Variants in NCOA7 observed in about 807,000 individuals in gnomAD.
NCOA7 encodes 140 kDa estrogen receptor-associated protein.
A neutral mutation model predicts 104.3 loss-of-function variants in NCOA7; 45 were observed. The observed-to-expected ratio is 0.43, with a 90% CI of 0.34 to 0.55. The LOEUF is 0.55. NCOA7 is among the 20% of genes least tolerant of loss of function. The pLI is 0.02. For missense variants in NCOA7, 1,041 were observed against 1,119.7 expected (o/e 0.93, Z 1.00); for synonymous variants, 398 against 402.3 (o/e 0.99, Z 0.13).
Position 125,889,425 on chromosome 6 carries a change from T to C in NCOA7, c.1371T>C (p.Ser457=), listed in dbSNP as rs367946466. The C allele has an allele frequency of 2.5e-6, 4 of 1,614,014 alleles. No individual in the cohort carries two copies. In the African/African-American group the frequency reaches 4.0e-5, roughly 16 times the overall value. The part of the protein sequence containing the change: ...RKKAESQINN[S]AVEMQVQSAL... ...AAGCTGAGTCACAAATAAACAATTC[T>C]GCCGTGGAAATGCAGGTGCAGTCAG... is the stretch of plus-strand genomic sequence containing the variant. Residue 457 remains serine (S), a synonymous_variant, in exon 9 of 16, where the codon TCT becomes TCC. Transcript: ENST00000392477.
At chr6:125,923,461 C>T (rs916023443) in intron 13 of NCOA7, among the ~76,000 whole-genome samples, 2 of 152,168 alleles carry the variant, frequency 1.3e-5, no homozygotes, top group East Asian at 3.8e-4. Context: ...TATCTCTTCC[C>T]GTAAGTCAGC....
At chr6:125,823,821 A>AT (rs1024552997) in intron 2 of NCOA7, among the ~76,000 whole-genome samples, 248 of 148,844 alleles carry the variant, frequency 1.7e-3, no homozygotes, top group Middle Eastern at 6.9e-3. Context: ...AAGAAACAGC[A>AT]TTTTTTTTTT....
At chr6:125,875,902 ACT>A (rs1783332429) in intron 4 of NCOA7, among the ~76,000 whole-genome samples, 1 of 152,172 alleles carries the variant, frequency 6.6e-6, no homozygotes, top group Non-Finnish European at 1.5e-5. Context: ...ACAACTCCAC[ACT>A]GTGTGCCATG....
chr6:125,797,891 T>A (rs904858419), intron 1 of NCOA7: 1 of 152,186 alleles, frequency 6.6e-6, no homozygotes, highest in Non-Finnish European at 1.5e-5. Context: ...TCCAAAATAA[T>A]TTCTATTTAA....
chr6:125,833,828 C>T (rs1331806767), intron 2 of NCOA7, among the ~76,000 whole-genome samples: 1 of 152,090 alleles, frequency 6.6e-6, no homozygotes, highest in African/African-American at 2.4e-5. Flanking sequence ...CTCACTCCCC[C>T]AAAACTCAGT....
chr6:125,878,292 A>G lies in NCOA7; in HGVS notation c.381A>G (p.Ile127Met). ...GAAACCAGGACACCCTAAACTCCAT[A>G]GCACTGAAATTTAACATCACTCCCA... ...TAGNQDTLNSIALKFNITPNK... is the reference protein window; with the variant it reads ...TAGNQDTLNSMALKFNITPNK... Residue 127 changes from isoleucine (I) to methionine (M), a missense_variant, in exon 5 of 16, where the codon ATA becomes ATG. Ile to Met is a conservative substitution (Grantham distance 10, BLOSUM62 1). Around this residue, in one of 2 missense-constraint regions of NCOA7, gnomAD observed 914 missense variants for 942.7 expected, o/e 0.97. Transcript: ENST00000392477. 1 of 1,612,724 alleles carries G rather than the reference A, an allele frequency of 6.2e-7. No individual in the cohort carries two copies. Among genetic ancestry groups the G allele is most frequent in the Non-Finnish European group, 8.5e-7 (1 of 1,179,376 alleles).
chr6:125,818,563 G>A (rs989293863), intron 2 of NCOA7, among the ~76,000 whole-genome samples: 1 of 152,020 alleles, frequency 6.6e-6, no homozygotes, highest in Non-Finnish European at 1.5e-5. Context: ...GAGAGAAGAG[G>A]GGGTAGGAGC....
intron 1 of NCOA7, among the ~76,000 whole-genome samples, chr6:125,782,092 G>A (rs1774253117): frequency 6.6e-6 from 1 of 152,006 alleles, no homozygotes; most frequent in Non-Finnish European, 1.5e-5. Context: ...GTAAAATATC[G>A]TGTTAATACT....
rs185454037 is a variant in NCOA7 at position 125,901,099 on chromosome 6, C to G, written c.2096+10289C>G. Among the ~76,000 whole-genome samples the G allele has an allele frequency of 1.8e-3, 267 of 152,276 alleles. 2 individuals carry two copies. Among genetic ancestry groups the G allele is most frequent in the Admixed American group, 2.7e-3 (41 of 15,300 alleles). ...ATTTATGATGGACAATACAAGTGAC[C>G]AACGAAACTGCATGCATATGCGTTT... is the stretch of plus-strand genomic sequence containing the variant. On this transcript the variant is annotated intron_variant, in intron 10 of 15. Coordinates refer to ENST00000392477, the MANE Select transcript of NCOA7 (RefSeq NM_181782.5).
chr6:125,797,668 A>G (rs1213989345), intron 1 of NCOA7, among the ~76,000 whole-genome samples: 1 of 152,152 alleles, frequency 6.6e-6, no homozygotes, highest in Non-Finnish European at 1.5e-5. Flanking sequence ...TAGCCATTGG[A>G]TAAGTGTCAC....
At chr6:125,923,503 T>C (rs1408034369) in intron 13 of NCOA7, among the ~76,000 whole-genome samples, 1 of 152,216 alleles carries the variant, frequency 6.6e-6, no homozygotes, top group East Asian at 1.9e-4. Flanking sequence ...TCCAGGTTTT[T>C]TTCGGTCACT....
At position 125,889,618 on chromosome 6, in the gene NCOA7, C is replaced by G; in HGVS notation, c.1564C>G (p.Leu522Val). ...ACATGAAGATTTAGATAAAGTTAAA[C>G]TCATTGAATATTACCTGACTAAGAA... is the stretch of plus-strand genomic sequence containing the variant. ...NIHEDLDKVK[L>V]IEYYLTKNKE... Residue 522 changes from leucine (L) to valine (V), a missense_variant, in exon 9 of 16, where the codon CTC (leucine) becomes GTC (valine). By Grantham distance (32) the Leu-to-Val change is conservative. Around this residue, in one of 2 missense-constraint regions of NCOA7, gnomAD observed 914 missense variants for 942.7 expected, o/e 0.97. Transcript: ENST00000392477. The G allele has an allele frequency of 6.2e-7, 1 of 1,613,818 alleles. No individual in the cohort carries two copies. Among genetic ancestry groups the G allele is most frequent in the East Asian group, 2.2e-5 (1 of 44,836 alleles).
chr6:125,842,663 T>C (rs563392165), intron 2 of NCOA7, among the ~76,000 whole-genome samples: 2 of 152,298 alleles, frequency 1.3e-5, no homozygotes, highest in Admixed American at 1.3e-4. Flanking sequence ...GATGAACTGA[T>C]TCAATGCAGA....
chr6:125,834,732 G>T (rs1037654085), intron 2 of NCOA7, among the ~76,000 whole-genome samples: 1 of 152,188 alleles, frequency 6.6e-6, no homozygotes, highest in African/African-American at 2.4e-5. Context: ...GAGGATTGTA[G>T]CCCAGGAGCA....
At chr6:125,805,920 T>C (rs1487157669) in intron 1 of NCOA7, among the ~76,000 whole-genome samples, 2 of 152,234 alleles carry the variant, frequency 1.3e-5, no homozygotes, top group Admixed American at 6.5e-5. Context: ...TTTTTACACA[T>C]TGAGTCTCTG....
At chr6:125,899,944 A>G (rs1785351595) in intron 10 of NCOA7, 1 of 528,818 alleles carries the variant, frequency 1.9e-6, no homozygotes, top group Admixed American at 1.9e-5. Context: ...GGAGACAAGT[A>G]GCTTTGGAGA....
chr6:125,876,761 A>T (rs1425394992), intron 4 of NCOA7, among the ~76,000 whole-genome samples: 1 of 152,192 alleles, frequency 6.6e-6, no homozygotes, highest in Non-Finnish European at 1.5e-5. Context: ...GGTAACTCAT[A>T]TAATTTTGTG....
intron 12 of NCOA7, among the ~76,000 whole-genome samples, chr6:125,921,796 C>T (rs1177838131): frequency 1.3e-5 from 2 of 152,122 alleles, no homozygotes; most frequent in Non-Finnish European, 2.9e-5. Context: ...AAAATACCTA[C>T]CTACAGGACA....
chr6:125,783,164 G>A (rs557575473), intron 1 of NCOA7, among the ~76,000 whole-genome samples: 2 of 152,324 alleles, frequency 1.3e-5, no homozygotes, highest in East Asian at 3.9e-4. Flanking sequence ...CTACAGAACT[G>A]TAAGATAATA....
Sources: gnomAD v4.1 joint callset for allele counts (sites outside exome capture counted in the v4.1 genomes callset) on GRCh38, gnomAD v4.1.1 for gene constraint, gnomAD v4.1.1 regional missense constraint, MANE v1.5 for transcripts, NCBI Gene and HGNC (gene_info 2026-07-23, HGNC 2026-07-21) for gene names.